AFDN: variants seen among roughly 807,000 people sequenced by gnomAD.
The protein encoded by AFDN is afadin.
In AFDN, 68 loss-of-function variants were observed where a neutral mutation model predicts 216.6. That is an observed-to-expected ratio of 0.31 (90% CI 0.26 to 0.38). The LOEUF (loss-of-function observed/expected upper bound fraction) is 0.38. AFDN is among the 10% of genes least tolerant of loss of function. AFDN has a pLI of 1.00. For synonymous variants in AFDN, 868 were observed against 853.7 expected (o/e 1.02, Z -0.29); for missense variants, 2,136 against 2,342.0 (o/e 0.91, Z 1.82).
intron 1 of AFDN, among the ~76,000 whole-genome samples, chr6:167,852,397 G>A (rs905503918): frequency 3.3e-5 from 5 of 152,094 alleles, no homozygotes; most frequent in African/African-American, 4.8e-5. Flanking sequence ...TCTTTTACAG[G>A]GTGGTAGTGG....
At chr6:167,920,020 C>T (rs1791576073) in intron 21 of AFDN, among the ~76,000 whole-genome samples, 1 of 152,174 alleles carries the variant, frequency 6.6e-6, no homozygotes, top group African/African-American at 2.4e-5. Context: ...TTTACAAAGG[C>T]TGCTTCTTTA....
intron 9 of AFDN, among the ~76,000 whole-genome samples, chr6:167,896,459 C>G (rs577769594): frequency 2.0e-5 from 3 of 152,178 alleles, no homozygotes; most frequent in African/African-American, 7.2e-5. Flanking sequence ...GTGCCCTCAA[C>G]CTGTATTGTG....
At chr6:167,857,155 C>T (rs1275740365) in intron 1 of AFDN, among the ~76,000 whole-genome samples, 1 of 151,914 alleles carries the variant, frequency 6.6e-6, no homozygotes, top group Non-Finnish European at 1.5e-5. Context: ...TAATTCCATT[C>T]GTAGGAACCA....
intron 5 of AFDN, among the ~76,000 whole-genome samples, chr6:167,875,759 AAG>A (rs1411312367): frequency 6.6e-6 from 1 of 152,120 alleles, no homozygotes; most frequent in East Asian, 1.9e-4. Context: ...TATACAAAAA[AAG>A]AGAAAGATAC....
At chr6:167,890,814 C>G in intron 7 of AFDN, 48 bp from the exon 8 acceptor site, 1 of 1,587,522 alleles carries the variant, frequency 6.3e-7, no homozygotes. Flanking sequence ...AGCGGGCCAT[C>G]CTGACCAACC....
intron 13 of AFDN, among the ~76,000 whole-genome samples, chr6:167,908,610 G>A (rs1790011467): frequency 1.3e-5 from 2 of 152,142 alleles, no homozygotes; most frequent in African/African-American, 2.4e-5. Flanking sequence ...CGAGGGAGTG[G>A]ATTGATTAGG....
intron 10 of AFDN, among the ~76,000 whole-genome samples, chr6:167,897,683 TG>T (rs962992027): frequency 3.4e-4 from 47 of 139,542 alleles, no homozygotes; most frequent in African/African-American, 1.1e-3. Flanking sequence ...AGTCTTACTC[TG>T]TCAGCAGGCT....
chr6:167,963,823 A>C, intron 31 of AFDN: 1 of 1,063,586 alleles, frequency 9.4e-7, no homozygotes, highest in Non-Finnish European at 1.1e-6. Flanking sequence ...GATTTACAAA[A>C]TGCTGAGCCG....
chr6:167,969,291 A>G, intron 33 of AFDN, 93 bp downstream of exon 33: 1 of 946,226 alleles, frequency 1.1e-6, no homozygotes, highest in Non-Finnish European at 1.7e-6. Context: ...AACAGACTTC[A>G]TGGCTTCACT....
At position 167,872,208 on chromosome 6, in the gene AFDN, C is replaced by A; in HGVS notation, c.415-6C>A. The A allele has an allele frequency of 6.2e-7, 1 of 1,604,902 alleles. No homozygotes were observed. The highest frequency in any genetic ancestry group is 8.5e-7 in the Non-Finnish European group (1 of 1,177,652). On this transcript the variant is annotated splice_region_variant and splice_polypyrimidine_tract_variant and intron_variant, in intron 3 of 33. Transcript: ENST00000683244. ...GTCAATATGGTGATAATGTTACTTT[C>A]ATCAGAAGGCTCAAAGTAATGGACC...
intron 1 of AFDN, among the ~76,000 whole-genome samples, chr6:167,835,089 A>G (rs1342846051): frequency 6.6e-6 from 1 of 152,212 alleles, no homozygotes; most frequent in South Asian, 2.1e-4. Flanking sequence ...TGATTCACTG[A>G]GTTATGCAGA....
rs540758633 is a variant in AFDN, at chr6:167,844,642, T to C, written c.105+17405T>C. On this transcript the variant is annotated intron_variant, in intron 1 of 33. Coordinates refer to ENST00000683244, the MANE Select transcript of AFDN (RefSeq NM_001386888.1). ...CAATTTGAGTCAAAGGCTGTACTTG[T>C]TGAAAATATTGATAGACTACCAAGT... Among the ~76,000 whole-genome samples, 8 of 152,264 alleles carry C rather than the reference T, an allele frequency of 5.3e-5. No individual in the cohort carries two copies. In the South Asian group the frequency reaches 1.7e-3, roughly 32 times the overall value.
intron 31 of AFDN, chr6:167,963,168 T>G (rs1207903395): frequency 9.4e-7 from 1 of 1,065,784 alleles, no homozygotes; most frequent in African/African-American, 1.6e-5. Flanking sequence ...AATTTTAAAA[T>G]GACAGCGAAT....
rs187471166 is a variant in AFDN at position 167,947,197 on chromosome 6, C to T, written c.3553+296C>T. ...TACATTTTTTTTTTTTTTTTTGAGA[C>T]GGAGTCTCACTCTCTCGCCCAGGCT... On this transcript the variant is annotated intron_variant, in intron 27 of 33. Transcript: ENST00000683244. Among the ~76,000 whole-genome samples the T allele has an allele frequency of 3.5e-3, 516 of 146,812 alleles. 3 individuals are homozygous for T. Among genetic ancestry groups the T allele is most frequent in the Non-Finnish European group, 4.5e-3 (302 of 67,064 alleles).
At chr6:167,964,392 G>A (rs1224759055) in intron 31 of AFDN, 3 of 1,064,468 alleles carry the variant, frequency 2.8e-6, no homozygotes, top group Non-Finnish European at 3.4e-6. Flanking sequence ...ATTCTTGATA[G>A]TTCCATTTAA....
chr6:167,840,828 G>A (rs1430534394), intron 1 of AFDN, among the ~76,000 whole-genome samples: 3 of 152,216 alleles, frequency 2.0e-5, no homozygotes, highest in African/African-American at 7.2e-5. Flanking sequence ...AACATGAGGA[G>A]GTTGACAGTT....
At chr6:167,938,651 C>A (rs924638593) in intron 23 of AFDN, among the ~76,000 whole-genome samples, 1 of 152,064 alleles carries the variant, frequency 6.6e-6, no homozygotes, top group Non-Finnish European at 1.5e-5. Flanking sequence ...TAGAGGATTT[C>A]GGGTTCTTTA....
chr6:167,841,528 A>G (rs977643351), intron 1 of AFDN, among the ~76,000 whole-genome samples: 2 of 152,150 alleles, frequency 1.3e-5, no homozygotes, highest in Non-Finnish European at 2.9e-5. Context: ...TCAGATCAGG[A>G]GAGGAAAGTT....
intron 4 of AFDN, among the ~76,000 whole-genome samples, chr6:167,874,165 T>C (rs1410155295): frequency 6.6e-6 from 1 of 152,120 alleles, no homozygotes; most frequent in Non-Finnish European, 1.5e-5. Flanking sequence ...GATTGCTTGA[T>C]CCTGGGAAAT....
Sources: allele counts gnomAD v4.1 joint callset (sites outside exome capture counted in the v4.1 genomes callset), GRCh38; gene constraint gnomAD v4.1.1; transcripts MANE v1.5; gene names NCBI Gene and HGNC (gene_info 2026-07-23, HGNC 2026-07-21).